PRRC2B: variants seen among roughly 807,000 people sequenced by gnomAD.
PRRC2B encodes proline rich coiled-coil 2B, also known as protein PRRC2B.
PRRC2B carries 68 observed loss-of-function variants against 242.3 expected under a neutral mutation model. The ratio of observed to expected loss-of-function variants is 0.28; its 90% CI spans 0.23 to 0.34. The LOEUF (loss-of-function observed/expected upper bound fraction) is 0.34. Among genes scored for constraint, PRRC2B ranks in the 10% least tolerant of loss-of-function variants. The pLI is 1.00. For missense variants in PRRC2B, 2,835 were observed against 2,954.8 expected, an observed-to-expected ratio of 0.96 and a Z score of 0.94; for synonymous variants, 1,228 against 1,173.6, an observed-to-expected ratio of 1.05 and a Z score of -0.95.
At chr9:131,416,874 G>C (rs1189503847) in intron 1 of PRRC2B, among the ~76,000 whole-genome samples, 1 of 151,732 alleles carries the variant, frequency 6.6e-6, no homozygotes, top group East Asian at 1.9e-4. Flanking sequence ...TTTTTAAGGG[G>C]GAAAAAAAGT....
chr9:131,480,779 T>C (rs1310815269), intron 19 of PRRC2B, among the ~76,000 whole-genome samples: 1 of 151,988 alleles, frequency 6.6e-6, no homozygotes, highest in Admixed American at 6.5e-5. Flanking sequence ...TGCATATCTA[T>C]TTTTCTGGGC....
intron 1 of PRRC2B, among the ~76,000 whole-genome samples, chr9:131,409,376 C>T (rs952313376): frequency 6.6e-6 from 1 of 151,826 alleles, no homozygotes; most frequent in African/African-American, 2.4e-5. Context: ...GACGGGATTT[C>T]ACCATGTTGG....
At chr9:131,460,790 T>G (rs1034503108) in intron 11 of PRRC2B, among the ~76,000 whole-genome samples, 1 of 152,176 alleles carries the variant, frequency 6.6e-6, no homozygotes, top group Non-Finnish European at 1.5e-5. Flanking sequence ...CTTTCCCGGA[T>G]GCATGACCTG....
chr9:131,480,793 G>A (rs546827355), intron 19 of PRRC2B, among the ~76,000 whole-genome samples: 9 of 151,698 alleles, frequency 5.9e-5, no homozygotes, highest in African/African-American at 1.2e-4. Flanking sequence ...TCTGGGCTCC[G>A]GATCCATGGC....
intron 6 of PRRC2B, among the ~76,000 whole-genome samples, chr9:131,445,770 T>C (rs1838780794): frequency 6.6e-6 from 1 of 152,200 alleles, no homozygotes; most frequent in Non-Finnish European, 1.5e-5. Flanking sequence ...TGTTGTCTCA[T>C]TTGATTTCTT....
At position 131,476,039 on chromosome 9, in the gene PRRC2B, C is replaced by T; in HGVS notation, c.3910C>T (p.Pro1304Ser). Residue 1304 changes from proline (P) to serine (S), a missense_variant, in exon 16 of 32, where the codon CCC becomes TCC. Coordinates refer to ENST00000683519, the MANE Select transcript of PRRC2B (RefSeq NM_013318.4). ...AENRPFRRRR[P>S]PRQDKPPRFR... is the part of the protein sequence containing the mutation. ...GAACCGGCCCTTCAGGAGAAGGCGCCCCCCACGCCAAGATAAGCCCCCTCG... is the reference window on the plus strand; with the variant it reads ...GAACCGGCCCTTCAGGAGAAGGCGCTCCCCACGCCAAGATAAGCCCCCTCG... 8 of 1,605,528 alleles carry T rather than the reference C, an allele frequency of 5.0e-6. No homozygotes were observed. Among genetic ancestry groups the T allele is most frequent in the Non-Finnish European group, 6.8e-6 (8 of 1,174,342 alleles).
upstream of PRRC2B, among the ~76,000 whole-genome samples, chr9:131,393,769 T>C (rs1404200051): frequency 6.9e-6 from 1 of 144,452 alleles, no homozygotes; most frequent in East Asian, 2.1e-4. Flanking sequence ...AGGCCCCTTC[T>C]CTTGGCTCCT....
At chr9:131,385,978 C>G (rs1359448269) in intron 1 of PRRC2B, among the ~76,000 whole-genome samples, 1 of 150,546 alleles carries the variant, frequency 6.6e-6, no homozygotes, top group Non-Finnish European at 1.5e-5. Context: ...CAGGCGTGAA[C>G]CACGGCGCCC....
intron 12 of PRRC2B, among the ~76,000 whole-genome samples, chr9:131,467,260 C>T (rs985916760): frequency 1.3e-5 from 2 of 152,180 alleles, no homozygotes; most frequent in East Asian, 1.9e-4. Flanking sequence ...AATAAAACAT[C>T]TTCCACCTGA....
chr9:131,433,078 A>G (rs1026664536), intron 3 of PRRC2B, among the ~76,000 whole-genome samples: 28 of 152,178 alleles, frequency 1.8e-4, no homozygotes, highest in African/African-American at 6.3e-4. Flanking sequence ...CCTGTGCCTT[A>G]TTAGGAAAGG....
rs374251056 is a variant in PRRC2B at position 131,491,485 on chromosome 9, A to G, written c.6286A>G (p.Ile2096Val). Reference protein sequence around the residue: ...GQQPLILPQSIQLPPGQSLSV... With the variant: ...GQQPLILPQSVQLPPGQSLSV... ...GCAGCCACTGATCCTGCCCCAGTCT[A>G]TTCAGCTGCCACCTGGGCAGAGCCT... is the stretch of plus-strand genomic sequence containing the variant. The change falls in exon 29 of 32, where the codon ATT becomes GTT. Residue 2096 changes from isoleucine to valine, a missense_variant. Physicochemically the swap from Ile to Val is conservative, Grantham distance 29 (BLOSUM62 3). Around this residue, in one of 7 missense-constraint regions of PRRC2B, gnomAD observed 574 missense variants for 626.0 expected, o/e 0.92. Transcript: ENST00000683519. 2.7e-5 allele frequency: 44 copies of G among 1,612,284 alleles called. No homozygotes were observed. Among genetic ancestry groups the G allele is most frequent in the African/African-American group, 4.0e-5 (3 of 74,880 alleles).
chr9:131,422,185 G>T (rs1349463035), intron 1 of PRRC2B, among the ~76,000 whole-genome samples: 1 of 152,244 alleles, frequency 6.6e-6, no homozygotes, highest in South Asian at 2.1e-4. Flanking sequence ...CTCCCGAATA[G>T]CTGGGATTAC....
At chr9:131,432,556 A>G (rs1838212610) in intron 2 of PRRC2B, 61 bp from the exon 3 acceptor site, 1 of 1,483,622 alleles carries the variant, frequency 6.7e-7, no homozygotes, top group East Asian at 2.3e-5. Context: ...TGAATGCATC[A>G]GGCTTCTTTC....
upstream of PRRC2B, among the ~76,000 whole-genome samples, chr9:131,391,754 G>A (rs556053579): frequency 1.3e-5 from 2 of 152,226 alleles, no homozygotes; most frequent in East Asian, 1.9e-4. Context: ...CTATCATTTT[G>A]TTTTGAGACA....
At chr9:131,457,718 C>T (rs1267265087) in intron 10 of PRRC2B, among the ~76,000 whole-genome samples, 2 of 152,082 alleles carry the variant, frequency 1.3e-5, no homozygotes, top group Non-Finnish European at 2.9e-5. Flanking sequence ...CCTCCATGGC[C>T]CGTCCTTGAC....
At chr9:131,470,654 C>T in intron 13 of PRRC2B, 134 bp from the exon 14 acceptor site, 3 of 669,934 alleles carry the variant, frequency 4.5e-6, no homozygotes, top group South Asian at 1.9e-5. Flanking sequence ...GCTGCCCATC[C>T]CTCCCCTCCT....
chr9:131,452,860 G>A (rs752567532), intron 9 of PRRC2B, among the ~76,000 whole-genome samples: 1 of 152,130 alleles, frequency 6.6e-6, no homozygotes, highest in Admixed American at 6.5e-5. Context: ...GATCTGTCTT[G>A]GAGAATATTT....
At chr9:131,473,909 G>C (rs781589731) in intron 15 of PRRC2B, among the ~76,000 whole-genome samples, 185 bp downstream of exon 15, 1 of 152,186 alleles carries the variant, frequency 6.6e-6, no homozygotes. Context: ...CTTTGTCCAA[G>C]AGGCTCTTTT....
chr9:131,447,204 C>T lies in PRRC2B; in HGVS notation c.975C>T (p.Asp325=), dbSNP rs368104423. ...PFRQFQMNDQ[D]GKENRLGLSR... is the part of the protein sequence containing the mutation. ...GACAGTTCCAGATGAATGACCAAGACGGGTGAGTCCATTGCATTACAGTCA... is the reference window on the plus strand; with the variant it reads ...GACAGTTCCAGATGAATGACCAAGATGGGTGAGTCCATTGCATTACAGTCA... The change falls in exon 8 of 32, where the codon GAC becomes GAT. Residue 325 remains aspartate, a splice_region_variant and synonymous_variant. Transcript: ENST00000683519. The T allele has an allele frequency of 1.1e-5, 17 of 1,613,796 alleles. No homozygotes were observed. The highest frequency in any genetic ancestry group is 4.5e-5 in the East Asian group (2 of 44,894).
Sources: gnomAD v4.1 joint callset for allele counts (sites outside exome capture counted in the v4.1 genomes callset) on GRCh38, gnomAD v4.1.1 for gene constraint, gnomAD v4.1.1 regional missense constraint, MANE v1.5 for transcripts, NCBI Gene and HGNC (gene_info 2026-07-23, HGNC 2026-07-21) for gene names.